The following C10orf90 variants were observed in gnomAD, a reference collection of about 807,000 sequenced individuals.
C10orf90 encodes the protein chromosome 10 open reading frame 90, also known as (E2-independent) E3 ubiquitin-conjugating enzyme FATS.
Under a neutral mutation model 62.5 loss-of-function variants are expected in C10orf90, and 56 were observed. That is an observed-to-expected ratio of 0.90 (90% CI 0.72 to 1.12). The LOEUF (loss-of-function observed/expected upper bound fraction) is 1.12, where lower values mean the gene tolerates loss of function less well. C10orf90 is among the 50% of genes most tolerant of loss of function. The pLI, the probability that C10orf90 is intolerant of heterozygous loss-of-function variation, is 0.00. For synonymous variants in C10orf90, 386 were observed against 340.4 expected, an observed-to-expected ratio of 1.13 and a Z score of -1.47; for missense variants, 970 against 880.4, an observed-to-expected ratio of 1.10 and a Z score of -1.29.
At chr10:126,446,099 C>T (rs1165639906) in intron 7 of C10orf90, among the ~76,000 whole-genome samples, 6 of 151,874 alleles carry the variant, frequency 4.0e-5, no homozygotes, top group South Asian at 2.1e-4. Flanking sequence ...CACAAATCAC[C>T]GCTAAAGTAT....
intron 2 of C10orf90, chr10:126,521,555 G>T: frequency 1.0e-6 from 1 of 979,294 alleles, no homozygotes; most frequent in Non-Finnish European, 1.4e-6. Flanking sequence ...AGCCCACCTT[G>T]TGACATTTCT....
intron 2 of C10orf90, among the ~76,000 whole-genome samples, chr10:126,517,505 C>T (rs1863498988): frequency 1.3e-5 from 2 of 152,294 alleles, no homozygotes; most frequent in South Asian, 4.2e-4. Flanking sequence ...CTGCCCTTTG[C>T]TGGGGAACTG....
In C10orf90 at chr10:126,504,663, A is replaced by G. The variant is rs1234913942; in HGVS notation, c.828T>C (p.Ala276=). ...AEDTLFQAPP[A]LANGAHPGRH... ...GACCTGGATGGGCGCCATTGGCCAG[A>G]GCCGGGGGCGCCTGGAACAGTGTGT... The change falls in exon 4 of 10, where the codon GCT becomes GCC. Residue 276 remains alanine, a synonymous_variant. Coordinates refer to ENST00000488181, the MANE Select transcript of C10orf90 (RefSeq NM_001350921.2). The surrounding 1 kb of genome is among the most constrained non-coding windows in gnomAD (Gnocchi z 4.1). 1.2e-6 allele frequency: 2 copies of G among 1,614,038 alleles called. No individual in the cohort carries two copies. The highest frequency in any genetic ancestry group is 2.7e-5 in the African/African-American group (2 of 74,930).
At chr10:126,446,503 A>T (rs911686292) in intron 7 of C10orf90, among the ~76,000 whole-genome samples, 1 of 152,142 alleles carries the variant, frequency 6.6e-6, no homozygotes, top group African/African-American at 2.4e-5. Context: ...GGGGGGAAAA[A>T]AATCTGTCAA....
chr10:126,494,534 A>T (rs2133849897), intron 4 of C10orf90, among the ~76,000 whole-genome samples: 1 of 152,360 alleles, frequency 6.6e-6, no homozygotes, highest in Non-Finnish European at 1.5e-5. Context: ...TGTGGGGCGC[A>T]CATGAATAGC....
chr10:126,600,362 G>T lies in C10orf90; in HGVS notation c.313+46203C>A, dbSNP rs182450360. Among the ~76,000 whole-genome samples the T allele has an allele frequency of 3.2e-3, 490 of 152,282 alleles. 2 individuals are homozygous for T. Among genetic ancestry groups the T allele is most frequent in the African/African-American group, 0.012 (483 of 41,576 alleles). The stretch of plus-strand genomic sequence containing the variant: ...GGCAATATTATTATCTTCTCTTGTG[G>T]CCATTGGATGAAAACAGTCACTGAG... On this transcript the variant is annotated intron_variant, in intron 2 of 9. Coordinates refer to ENST00000488181, the MANE Select transcript of C10orf90 (RefSeq NM_001350921.2).
At chr10:126,459,001 C>A (rs916893906) in intron 7 of C10orf90, 39 bp downstream of exon 7, 1 of 1,589,564 alleles carries the variant, frequency 6.3e-7, no homozygotes. Flanking sequence ...CCCCCCATCC[C>A]TGGTCTTTTC....
In C10orf90 at chr10:126,624,127, C is replaced by A. The variant is rs545299013; in HGVS notation, c.313+22438G>T. The stretch of plus-strand genomic sequence containing the variant: ...CTTTGGGAGGCTGAGGCAGGCAGAT[C>A]ATGAGGTCAGGACTTTGAAACCAGC... On this transcript the variant is annotated intron_variant, in intron 2 of 9. Transcript: ENST00000488181. Among the ~76,000 whole-genome samples the A allele has an allele frequency of 2.0e-5, 3 of 152,136 alleles. No homozygotes were observed. The East Asian group carries it at 5.8e-4, about 30-fold the overall frequency.
rs148269475 is a variant in C10orf90, at chr10:126,617,275, A to G, written c.313+29290T>C. ...CAATTTGGTCTCCAACCAGAGCAGG[A>G]TAAGAGCAGAGCTTGATCTCCAGTT... On this transcript the variant is annotated intron_variant, in intron 2 of 9. Transcript: ENST00000488181. 5.1e-3 allele frequency among the ~76,000 whole-genome samples: 778 copies of G among 152,348 alleles called. 2 individuals carry two copies. The highest frequency in any genetic ancestry group is 0.017 in the African/African-American group (699 of 41,578).
At chr10:126,482,630 A>C (rs1342593602) in intron 4 of C10orf90, among the ~76,000 whole-genome samples, 1 of 152,210 alleles carries the variant, frequency 6.6e-6, no homozygotes, top group Admixed American at 6.5e-5. Context: ...ACTAGCTAGT[A>C]GTAGCCCTTA....
chr10:126,561,900 C>T (rs1294573288), intron 2 of C10orf90, among the ~76,000 whole-genome samples: 1 of 152,196 alleles, frequency 6.6e-6, no homozygotes, highest in Non-Finnish European at 1.5e-5. Flanking sequence ...AAAGAACCCC[C>T]CACTGAGAGA....
chr10:126,664,550 C>A (rs1846587092), intron 1 of C10orf90, among the ~76,000 whole-genome samples: 1 of 152,106 alleles, frequency 6.6e-6, no homozygotes, highest in East Asian at 1.9e-4. Flanking sequence ...CAGCCTCAAC[C>A]CGGTGCTCTT....
At chr10:126,573,585 G>T (rs554414596) in intron 2 of C10orf90, among the ~76,000 whole-genome samples, 1 of 152,212 alleles carries the variant, frequency 6.6e-6, no homozygotes, top group East Asian at 1.9e-4. Context: ...TAACAGAGGG[G>T]TCCCCCAAAA....
At chr10:126,484,859 T>A (rs1337336145) in intron 4 of C10orf90, among the ~76,000 whole-genome samples, 1 of 152,230 alleles carries the variant, frequency 6.6e-6, no homozygotes, top group Non-Finnish European at 1.5e-5. Context: ...TATCATCATA[T>A]GATCTGAATA....
At chr10:126,632,785 A>G (rs1845875614) in intron 2 of C10orf90, among the ~76,000 whole-genome samples, 1 of 151,968 alleles carries the variant, frequency 6.6e-6, no homozygotes, top group Non-Finnish European at 1.5e-5. Flanking sequence ...GAACTTATGC[A>G]TTTTCTCTTC....
rs1862248636 is a variant in C10orf90 at position 126,499,283 on chromosome 10, T to G, written c.1534+4674A>C. Among the ~76,000 whole-genome samples, 3 of 152,188 alleles carry G rather than the reference T, an allele frequency of 2.0e-5. No homozygotes were observed. The South Asian group carries it at 6.2e-4, about 31-fold the overall frequency. On this transcript the variant is annotated intron_variant, in intron 4 of 9. Transcript: ENST00000488181. Reference sequence around the variant, plus strand: ...TCCACTGCCACTATCAAAGGTGGTATCTGAACACTGTTGCTAGTTGAGTAG... The same window carrying G: ...TCCACTGCCACTATCAAAGGTGGTAGCTGAACACTGTTGCTAGTTGAGTAG...
In C10orf90 at chr10:126,426,002, C is replaced by G. The variant is rs1399796747; in HGVS notation, c.2341G>C (p.Val781Leu). 1.2e-6 allele frequency: 2 copies of G among 1,614,094 alleles called. No individual in the cohort carries two copies. Among genetic ancestry groups the G allele is most frequent in the African/African-American group, 2.7e-5 (2 of 74,944 alleles). ...ILQSNRLRAE[V>L]FKKQLLDQLL... ...GACGAGGCCATTACCTTTTTGAAGA[C>G]TTCGGCACGGAGTCTGTTACTTTGT... Residue 781 changes from valine (V) to leucine (L), a missense_variant, in exon 9 of 10, where the codon GTC becomes CTC. Val to Leu is a conservative substitution (Grantham distance 32, BLOSUM62 1). Coordinates refer to ENST00000488181, the MANE Select transcript of C10orf90 (RefSeq NM_001350921.2).
intron 2 of C10orf90, among the ~76,000 whole-genome samples, chr10:126,620,739 GC>G (rs1845628522): frequency 6.8e-6 from 1 of 148,010 alleles, no homozygotes; most frequent in Non-Finnish European, 1.5e-5. Flanking sequence ...GTCAGTGGGG[GC>G]TAGAAAAAAA....
At chr10:126,539,369 G>A (rs536669869) in intron 2 of C10orf90, among the ~76,000 whole-genome samples, 1 of 152,270 alleles carries the variant, frequency 6.6e-6, no homozygotes, top group South Asian at 2.1e-4. Flanking sequence ...CTAAACATAT[G>A]GGGGGAGGAT....
Sources: allele counts gnomAD v4.1 joint callset (sites outside exome capture counted in the v4.1 genomes callset), GRCh38; gene constraint gnomAD v4.1.1; non-coding constraint Gnocchi (gnomAD v3.1); transcripts MANE v1.5; gene names NCBI Gene and HGNC (gene_info 2026-07-23, HGNC 2026-07-21).